Variants in CABLES1 observed in about 807,000 individuals in gnomAD.
CABLES1 encodes Cdk5 and Abl enzyme substrate 1.
A neutral mutation model predicts 57.8 loss-of-function variants in CABLES1; 36 were observed. The observed-to-expected ratio is 0.62, with a 90% CI of 0.48 to 0.82. CABLES1 has a LOEUF of 0.82. Ranked by LOEUF, CABLES1 falls within the 40% of genes least tolerant of loss-of-function variation. The pLI, the probability that CABLES1 is intolerant of heterozygous loss-of-function variation, is 0.00. For missense variants in CABLES1, 767 were observed against 836.6 expected (o/e 0.92, Z 1.03); for synonymous variants, 374 against 363.0 (o/e 1.03, Z -0.35).
At chr18:23,239,076 A>ATCTGATCTTTTTTT (rs1271034436) in intron 7 of CABLES1, among the ~76,000 whole-genome samples, 1 of 152,014 alleles carries the variant, frequency 6.6e-6, no homozygotes, top group Admixed American at 6.6e-5. Context: ...GATCTTTTTT[A>ATCTGATCTTTTTTT]TCTGATCTTT....
intron 7 of CABLES1, among the ~76,000 whole-genome samples, chr18:23,246,881 C>T (rs956100512): frequency 2.6e-5 from 4 of 151,996 alleles, no homozygotes; most frequent in South Asian, 2.1e-4. Flanking sequence ...TTAGTAGAGA[C>T]GGGGTTTTAC....
At chr18:23,179,401 C>T (rs910264048) in intron 1 of CABLES1, among the ~76,000 whole-genome samples, 2 of 152,218 alleles carry the variant, frequency 1.3e-5, no homozygotes, top group Admixed American at 6.5e-5. Context: ...CCCAGTGACT[C>T]CCCCACCCCA....
chr18:23,222,016 G>C (rs983564204), intron 4 of CABLES1, among the ~76,000 whole-genome samples: 1 of 152,186 alleles, frequency 6.6e-6, no homozygotes, highest in Admixed American at 6.5e-5. Context: ...AGTGTCTAGT[G>C]AGACTGCATA....
chr18:23,194,006 G>C (rs1004882940), intron 2 of CABLES1, among the ~76,000 whole-genome samples: 2 of 152,156 alleles, frequency 1.3e-5, no homozygotes, highest in Non-Finnish European at 2.9e-5. Context: ...CCAAAATCTT[G>C]TTGCAGAAGA....
In CABLES1 at chr18:23,150,506, A is replaced by G. The variant is rs376844561; in HGVS notation, c.845+13899A>G. ...GCTGGGATTACAGCCGTGAGCCACC[A>G]CGCCCAGCCAGGTCGTAGTAGTTTT... On this transcript the variant is annotated intron_variant, in intron 1 of 9. Transcript: ENST00000256925. 1.7e-3 allele frequency among the ~76,000 whole-genome samples: 261 copies of G among 151,960 alleles called. 9 individuals carry two copies. The South Asian group carries it at 0.044, about 26-fold the overall frequency.
rs147984743 is a variant in CABLES1 at position 23,191,906 on chromosome 18, TAAAAAAAAAAA to T, written c.918-2517_918-2507del. 4.7e-4 allele frequency among the ~76,000 whole-genome samples: 39 copies of T among 82,616 alleles called. 1 individual carries two copies. Among genetic ancestry groups the T allele is most frequent in the East Asian group, 4.2e-3 (7 of 1,648 alleles). The allele number at this position is 82,616 out of a possible 152,430, so 54.2% of individuals were successfully genotyped here. A position where few individuals can be genotyped will look rare whatever the true frequency, so the allele number is the denominator to read the frequency against. ...TTCCCTGGTGATTTGGTTGAATGCT[TAAAAAAAAAAA>T]AAAAAAAAAAAAAAAAAAAAAAAAG... On this transcript the variant is annotated intron_variant, in intron 2 of 9. Coordinates refer to ENST00000256925, the MANE Select transcript of CABLES1 (RefSeq NM_001100619.3).
Position 23,180,768 on chromosome 18 carries a change from G to GT in CABLES1, c.846-8069dup, listed in dbSNP as rs755311788. On this transcript the variant is annotated intron_variant, in intron 1 of 9. Coordinates refer to ENST00000256925, the MANE Select transcript of CABLES1 (RefSeq NM_001100619.3). ...TCAAACAGTTACAAACTACAGATTT[G>GT]TACCCTACTTTTTAGGACACCTTTT... is the stretch of plus-strand genomic sequence containing the variant. Among the ~76,000 whole-genome samples the GT allele has an allele frequency of 3.3e-5, 5 of 152,254 alleles. No individual in the cohort carries two copies. The South Asian group carries it at 6.2e-4, about 19-fold the overall frequency.
chr18:23,250,215 C>T (rs994583785), intron 7 of CABLES1, among the ~76,000 whole-genome samples: 2 of 152,224 alleles, frequency 1.3e-5, no homozygotes, highest in Admixed American at 6.5e-5. Context: ...GCTCACAGGG[C>T]GTCAGGCCCC....
intron 1 of CABLES1, among the ~76,000 whole-genome samples, chr18:23,157,118 G>A (rs903298558): frequency 6.6e-6 from 1 of 152,056 alleles, no homozygotes; most frequent in Admixed American, 6.5e-5. Context: ...GACTGGACTC[G>A]GTGGCTCACA....
intron 4 of CABLES1, among the ~76,000 whole-genome samples, chr18:23,218,425 C>T (rs1286896065): frequency 1.1e-5 from 1 of 91,482 alleles, no homozygotes; most frequent in Non-Finnish European, 2.1e-5. Flanking sequence ...CCCTGCCTCC[C>T]GCATCCTCAC....
intron 4 of CABLES1, among the ~76,000 whole-genome samples, chr18:23,227,333 TTC>T (rs2047535261): frequency 6.6e-6 from 1 of 152,206 alleles, no homozygotes. Context: ...ACCAAGCATA[TTC>T]CCACACAGAG....
chr18:23,198,920 T>A (rs561907028), intron 3 of CABLES1, among the ~76,000 whole-genome samples: 1 of 152,350 alleles, frequency 6.6e-6, no homozygotes, highest in South Asian at 2.1e-4. Flanking sequence ...TCTGCAACCG[T>A]AGGAAACTAA....
At chr18:23,220,227 G>A (rs756298642) in intron 4 of CABLES1, among the ~76,000 whole-genome samples, 1 of 152,168 alleles carries the variant, frequency 6.6e-6, no homozygotes, top group African/African-American at 2.4e-5. Flanking sequence ...TAGGATTAAC[G>A]AAGGGTGCAG....
chr18:23,191,865 TA>T, intron 2 of CABLES1, among the ~76,000 whole-genome samples: 1 of 141,248 alleles, frequency 7.1e-6, no homozygotes, highest in South Asian at 2.3e-4. Flanking sequence ...ACAATTCTCT[TA>T]AAGCATTTCT....
intron 4 of CABLES1, chr18:23,219,086 A>T: frequency 2.3e-6 from 1 of 429,132 alleles, no homozygotes; most frequent in Non-Finnish European, 4.7e-6. Context: ...CATGCCACCT[A>T]TGTGGAGGTT....
intron 4 of CABLES1, among the ~76,000 whole-genome samples, chr18:23,226,434 G>T (rs1306681123): frequency 6.6e-6 from 1 of 150,694 alleles, no homozygotes; most frequent in Non-Finnish European, 1.5e-5. Context: ...TGAGGGTCAA[G>T]CCTGGACCAG....
chr18:23,254,719 A>G (rs1038481964), intron 9 of CABLES1, among the ~76,000 whole-genome samples: 2 of 152,206 alleles, frequency 1.3e-5, no homozygotes, highest in Admixed American at 6.5e-5. Flanking sequence ...CCTTAATTGC[A>G]GAGAAAGACA....
At chr18:23,224,906 T>G (rs935790136) in intron 4 of CABLES1, among the ~76,000 whole-genome samples, 5 of 152,240 alleles carry the variant, frequency 3.3e-5, no homozygotes, top group African/African-American at 1.2e-4. Context: ...CTCACTGTAT[T>G]GCCCAGGCTG....
chr18:23,231,927 G>A (rs1234748408), intron 4 of CABLES1, among the ~76,000 whole-genome samples: 4 of 152,188 alleles, frequency 2.6e-5, no homozygotes, highest in Non-Finnish European at 4.4e-5. Context: ...CCCCGGGGAA[G>A]CAGTGAGCCT....
Sources: allele counts gnomAD v4.1 joint callset (sites outside exome capture counted in the v4.1 genomes callset), GRCh38; gene constraint gnomAD v4.1.1; transcripts MANE v1.5; gene names NCBI Gene and HGNC (gene_info 2026-07-23, HGNC 2026-07-21).